Variants in MICU3 observed in about 807,000 individuals in gnomAD.
MICU3 encodes calcium uptake protein 3, mitochondrial.
In MICU3, 62 loss-of-function variants were observed where a neutral mutation model predicts 66.5. The ratio of observed to expected loss-of-function variants is 0.93; its 90% CI spans 0.76 to 1.15. The LOEUF is 1.15. Among genes scored for constraint, MICU3 ranks in the 50% most tolerant of loss-of-function variants. The probability of loss-of-function intolerance (pLI) is 0.00; values close to 1 mark genes in which losing one functional copy is unlikely to be tolerated. For synonymous variants in MICU3, 308 were observed against 240.7 expected, an observed-to-expected ratio of 1.28 and a Z score of -2.59; for missense variants, 779 against 664.4, an observed-to-expected ratio of 1.17 and a Z score of -1.90.
At chr8:17,062,028 C>T (rs985320106) in intron 1 of MICU3, among the ~76,000 whole-genome samples, 1 of 152,156 alleles carries the variant, frequency 6.6e-6, no homozygotes, top group Non-Finnish European at 1.5e-5. Flanking sequence ...CATTGCTCCA[C>T]TTAAGAATCT....
chr8:17,112,388 G>T (rs974294073), intron 11 of MICU3, among the ~76,000 whole-genome samples: 1 of 152,134 alleles, frequency 6.6e-6, no homozygotes, highest in South Asian at 2.1e-4. Context: ...TATTCCAGTA[G>T]TGATTCTGAG....
chr8:17,031,041 A>G (rs1370858611), intron 1 of MICU3, among the ~76,000 whole-genome samples: 6 of 152,018 alleles, frequency 3.9e-5, no homozygotes. Flanking sequence ...TTGAAATAGA[A>G]TCATGGAGTC....
Position 17,036,294 on chromosome 8 carries a change from G to A in MICU3, c.381+8634G>A, listed in dbSNP as rs1003745845. Among the ~76,000 whole-genome samples, 44 of 152,276 alleles carry A rather than the reference G, an allele frequency of 2.9e-4. 2 individuals carry two copies. The highest frequency in any genetic ancestry group is 9.9e-4 in the African/African-American group (41 of 41,546). On this transcript the variant is annotated intron_variant, in intron 1 of 14. Coordinates refer to ENST00000318063, the MANE Select transcript of MICU3 (RefSeq NM_181723.3). ...GTGAAGCTGCAGATCTTCGCTGTGAGTGTTACAGCTCATAAAAGCAGCGTG... is the reference window on the plus strand; with the variant it reads ...GTGAAGCTGCAGATCTTCGCTGTGAATGTTACAGCTCATAAAAGCAGCGTG...
chr8:17,107,910 T>G (rs1296526542), intron 11 of MICU3, among the ~76,000 whole-genome samples: 1 of 152,184 alleles, frequency 6.6e-6, no homozygotes, highest in African/African-American at 2.4e-5. Context: ...AGAATAGATT[T>G]TAGGTGGCCT....
chr8:17,118,266 TTTTTTAATTTTTA>T (rs1802881378), intron 13 of MICU3, among the ~76,000 whole-genome samples: 1 of 152,136 alleles, frequency 6.6e-6, no homozygotes, highest in Non-Finnish European at 1.5e-5. Context: ...CATTTGCCCT[TTTTTTAATTTTTA>T]TTTTTAATCA....
chr8:17,112,818 C>T (rs758568604), intron 11 of MICU3, among the ~76,000 whole-genome samples: 19 of 152,166 alleles, frequency 1.2e-4, no homozygotes, highest in East Asian at 1.9e-4. Flanking sequence ...GGCAGCAGGT[C>T]GCAGCATAAA....
At chr8:17,126,953 A>G (rs190711656), downstream of MICU3, among the ~76,000 whole-genome samples, 3 of 152,318 alleles carry the variant, frequency 2.0e-5, no homozygotes, top group East Asian at 3.9e-4. Context: ...ACCATCAGAG[A>G]CAAATGAACT....
Position 17,105,416 on chromosome 8 carries a change from C to A in MICU3, c.1089C>A (p.Phe363Leu). ...AELNFEDFYRFMDNLQTEVLE... is the reference protein window; with the variant it reads ...AELNFEDFYRLMDNLQTEVLE... ...CTTTATTACATTTTTGTCATAGATT[C>A]ATGGATAATCTCCAAACAGAAGTTC... is the stretch of plus-strand genomic sequence containing the variant. Residue 363 changes from phenylalanine (F) to leucine (L), a missense_variant, in exon 11 of 15, where the codon TTC becomes TTA. By Grantham distance (22) the Phe-to-Leu change is conservative. Transcript: ENST00000318063. 8 of 1,524,410 alleles carry A rather than the reference C, an allele frequency of 5.2e-6. No homozygotes were observed. Among genetic ancestry groups the A allele is most frequent in the South Asian group, 1.2e-5 (1 of 81,306 alleles). The allele number at this position is 1,524,410 out of a possible 1,614,324, so 94.4% of individuals were successfully genotyped here.
At chr8:17,069,121 T>G (rs1349056194) in intron 2 of MICU3, among the ~76,000 whole-genome samples, 1 of 152,168 alleles carries the variant, frequency 6.6e-6, no homozygotes, top group East Asian at 1.9e-4. Flanking sequence ...CAGTGATGCT[T>G]CTTGAATAGT....
intron 2 of MICU3, among the ~76,000 whole-genome samples, chr8:17,068,983 G>A (rs913864103): frequency 7.2e-5 from 11 of 152,184 alleles, no homozygotes; most frequent in Non-Finnish European, 1.5e-4. Flanking sequence ...AAAGGAAATA[G>A]CAATACTGAC....
downstream of MICU3, among the ~76,000 whole-genome samples, chr8:17,126,435 A>G (rs955015211): frequency 2.6e-5 from 4 of 152,230 alleles, no homozygotes; most frequent in African/African-American, 9.6e-5. Context: ...TATAGTTTCA[A>G]GAGGGAGTGA....
At chr8:17,054,808 A>G (rs766683451) in intron 1 of MICU3, among the ~76,000 whole-genome samples, 4 of 139,590 alleles carry the variant, frequency 2.9e-5, no homozygotes, top group Non-Finnish European at 4.5e-5. Context: ...GCACGATGTC[A>G]GCTCACTGCA....
chr8:17,087,411 TCGAAA>T (rs1453628704), intron 7 of MICU3, among the ~76,000 whole-genome samples: 3 of 152,156 alleles, frequency 2.0e-5, no homozygotes, highest in South Asian at 2.1e-4. Context: ...AAGGTGACTG[TCGAAA>T]CGAATAGAAG....
At chr8:17,067,810 A>G (rs1197782318) in intron 2 of MICU3, among the ~76,000 whole-genome samples, 6 of 152,194 alleles carry the variant, frequency 3.9e-5, no homozygotes, top group Non-Finnish European at 8.8e-5. Context: ...AATCATAGCC[A>G]TTATTTTTGA....
intron 7 of MICU3, 96 bp downstream of exon 7, chr8:17,087,131 C>A: frequency 2.4e-6 from 2 of 822,278 alleles, no homozygotes; most frequent in Non-Finnish European, 3.8e-6. Flanking sequence ...AACTTTGAAG[C>A]TGTCCCTTTC....
In MICU3 at chr8:17,120,418, T is replaced by C. The variant is rs543612407; in HGVS notation, c.*131T>C. ...AAGGAAAAGGTGAATGCTATGAAAT[T>C]GATATTTTTTCTGGAACTGAATTCT... On this transcript the variant is annotated 3_prime_UTR_variant, in exon 15 of 15. Coordinates refer to ENST00000318063, the MANE Select transcript of MICU3 (RefSeq NM_181723.3). 5.3e-5 allele frequency: 8 copies of C among 152,134 alleles called. No homozygotes were observed. In the East Asian group the frequency reaches 1.5e-3, roughly 29 times the overall value. 9.4% of individuals were successfully genotyped at this position (152,134 alleles called of 1,614,324 possible). A position where few individuals can be genotyped will look rare whatever the true frequency, so the allele number is the denominator to read the frequency against.
At chr8:17,071,570 A>G (rs554725542) in intron 3 of MICU3, among the ~76,000 whole-genome samples, 22 of 152,252 alleles carry the variant, frequency 1.4e-4, no homozygotes, top group African/African-American at 5.3e-4. Flanking sequence ...AATCGGGGAG[A>G]GGGGCACAAT....
rs189569657 is a variant in MICU3 at position 17,039,852 on chromosome 8, A to G, written c.381+12192A>G. ...ATTTTGATATGTGTATATATTGTTG[A>G]GTGATTAAATCAAGCTCATGAAGGT... is the stretch of plus-strand genomic sequence containing the variant. On this transcript the variant is annotated intron_variant, in intron 1 of 14. Coordinates refer to ENST00000318063, the MANE Select transcript of MICU3 (RefSeq NM_181723.3). Among the ~76,000 whole-genome samples, 859 of 140,180 alleles carry G rather than the reference A, an allele frequency of 6.1e-3. 11 individuals carry two copies. Among genetic ancestry groups the G allele is most frequent in the Non-Finnish European group, 7.0e-3 (453 of 65,108 alleles). 92.0% of individuals were successfully genotyped at this position (140,180 alleles called of 152,430 possible).
In MICU3 at chr8:17,070,707, C is replaced by T. The variant is rs1163972479; in HGVS notation, c.567+988C>T. ...TCCTTAACTAGTTAAAGGGAATCCT[C>T]CAAAAGCCTACAGCAAATGTCATGG... On this transcript the variant is annotated intron_variant, in intron 3 of 14. Transcript: ENST00000318063. Among the ~76,000 whole-genome samples, 5 of 151,624 alleles carry T rather than the reference C, an allele frequency of 3.3e-5. No individual in the cohort carries two copies. In the South Asian group the frequency reaches 1.0e-3, roughly 32 times the overall value.
Sources: allele counts gnomAD v4.1 joint callset (sites outside exome capture counted in the v4.1 genomes callset), GRCh38; gene constraint gnomAD v4.1.1; transcripts MANE v1.5; gene names NCBI Gene and HGNC (gene_info 2026-07-23, HGNC 2026-07-21).